The following PDE7B variants were observed in gnomAD, a reference collection of about 807,000 sequenced individuals.
The protein encoded by PDE7B is phosphodiesterase 7B, also known as 3',5'-cyclic-AMP phosphodiesterase 7B.
A neutral mutation model predicts 56.2 loss-of-function variants in PDE7B; 29 were observed. That is an observed-to-expected ratio of 0.52 (90% confidence interval 0.38 to 0.70). The LOEUF (loss-of-function observed/expected upper bound fraction) is 0.70, where lower values mean the gene tolerates loss of function less well. PDE7B is among the 30% of genes least tolerant of loss of function. The probability of loss-of-function intolerance (pLI) is 0.00; values close to 1 mark genes in which losing one functional copy is unlikely to be tolerated. For missense variants in PDE7B, 490 were observed against 565.0 expected, an observed-to-expected ratio of 0.87 and a Z score of 1.35; for synonymous variants, 197 against 196.9, an observed-to-expected ratio of 1.00 and a Z score of 0.00.
At chr6:135,879,401 A>G (rs1775563156) in intron 1 of PDE7B, among the ~76,000 whole-genome samples, 2 of 152,152 alleles carry the variant, frequency 1.3e-5, no homozygotes, top group Non-Finnish European at 2.9e-5. Flanking sequence ...GTAAATAATA[A>G]TATTCAGAAC....
intron 8 of PDE7B, among the ~76,000 whole-genome samples, chr6:136,164,639 A>C (rs1323701963): frequency 6.6e-5 from 10 of 152,210 alleles, no homozygotes; most frequent in Non-Finnish European, 1.5e-4. Context: ...AAAAGTATTT[A>C]GTACTTAGAG....
At chr6:136,186,441 G>T (rs1779147040) in intron 11 of PDE7B, among the ~76,000 whole-genome samples, 1 of 151,988 alleles carries the variant, frequency 6.6e-6, no homozygotes, top group South Asian at 2.1e-4. Context: ...AAGAAAAAAA[G>T]AAATACCATT....
intron 3 of PDE7B, among the ~76,000 whole-genome samples, chr6:136,136,198 A>G (rs147679553): frequency 3.9e-5 from 6 of 152,210 alleles, no homozygotes; most frequent in Non-Finnish European, 7.4e-5. Context: ...TGTCAAACTA[A>G]TTAACAGTTT....
chr6:136,176,483 T>G (rs1340159102), intron 9 of PDE7B, among the ~76,000 whole-genome samples: 1 of 152,122 alleles, frequency 6.6e-6, no homozygotes, highest in Non-Finnish European at 1.5e-5. Context: ...ACATTGTACT[T>G]CATAATTGCA....
chr6:136,054,358 T>G (rs1264854515), intron 2 of PDE7B, among the ~76,000 whole-genome samples: 1 of 152,328 alleles, frequency 6.6e-6, no homozygotes, highest in African/African-American at 2.4e-5. Context: ...AAAGATCAGA[T>G]AGTTGTAGAT....
chr6:136,016,282 A>T (rs1775975513), intron 2 of PDE7B, among the ~76,000 whole-genome samples: 1 of 152,218 alleles, frequency 6.6e-6, no homozygotes, highest in Admixed American at 6.5e-5. Flanking sequence ...GTATCTGTAC[A>T]TGGTAGGTTC....
chr6:135,967,179 G>T (rs1775009630), intron 2 of PDE7B, among the ~76,000 whole-genome samples: 1 of 152,082 alleles, frequency 6.6e-6, no homozygotes, highest in Non-Finnish European at 1.5e-5. Context: ...TTGACAGTCT[G>T]GAGACTTGAT....
At chr6:135,859,144 C>T (rs1243934186) in intron 1 of PDE7B, among the ~76,000 whole-genome samples, 1 of 151,678 alleles carries the variant, frequency 6.6e-6, no homozygotes, top group Non-Finnish European at 1.5e-5. Context: ...CTCAGTCATT[C>T]ACAAAAGTGT....
chr6:136,145,783 C>CTAAAGTCAA (rs1778404019), intron 3 of PDE7B, among the ~76,000 whole-genome samples: 1 of 152,150 alleles, frequency 6.6e-6, no homozygotes, highest in Admixed American at 6.6e-5. Context: ...CTAAACCCAT[C>CTAAAGTCAA]TAAAGTCAAG....
chr6:135,971,765 C>A (rs568903959), intron 2 of PDE7B, among the ~76,000 whole-genome samples: 4 of 152,124 alleles, frequency 2.6e-5, no homozygotes, highest in Non-Finnish European at 5.9e-5. Context: ...AAACTACCCA[C>A]GGCACCTATC....
intron 2 of PDE7B, among the ~76,000 whole-genome samples, chr6:135,960,365 T>G: frequency 6.6e-6 from 1 of 152,204 alleles, no homozygotes; most frequent in East Asian, 1.9e-4. Flanking sequence ...AAAAGTTTCT[T>G]AGAAGATCAG....
At chr6:135,948,051 A>G (rs1051173268) in intron 2 of PDE7B, among the ~76,000 whole-genome samples, 1 of 152,066 alleles carries the variant, frequency 6.6e-6, no homozygotes, top group African/African-American at 2.4e-5. Context: ...ATATATCATC[A>G]ATGCCTTTGA....
At chr6:136,158,454 C>G (rs530213880) in intron 8 of PDE7B, among the ~76,000 whole-genome samples, 15 of 152,230 alleles carry the variant, frequency 9.9e-5, no homozygotes, top group African/African-American at 3.6e-4. Context: ...TGGGGAACAC[C>G]CTGTGCGTGA....
At chr6:136,045,987 G>A (rs1776497880) in intron 2 of PDE7B, among the ~76,000 whole-genome samples, 1 of 151,228 alleles carries the variant, frequency 6.6e-6, no homozygotes, top group Non-Finnish European at 1.5e-5. Flanking sequence ...AAATCTTTTT[G>A]GATGACACCC....
chr6:135,941,215 T>C (rs529669351), intron 1 of PDE7B, among the ~76,000 whole-genome samples: 128 of 151,702 alleles, frequency 8.4e-4, no homozygotes, highest in African/African-American at 3.0e-3. Context: ...AGACTGATCA[T>C]GGTTAGCACT....
intron 1 of PDE7B, among the ~76,000 whole-genome samples, chr6:135,880,948 GAA>G (rs1162730235): frequency 6.6e-6 from 1 of 152,146 alleles, no homozygotes; most frequent in East Asian, 1.9e-4. Flanking sequence ...ATGCTGAAGA[GAA>G]AACTCTTTTT....
intron 2 of PDE7B, among the ~76,000 whole-genome samples, chr6:136,053,952 T>C (rs1252198788): frequency 1.3e-5 from 2 of 152,278 alleles, no homozygotes; most frequent in Non-Finnish European, 2.9e-5. Context: ...ATTCTGGATA[T>C]TAGCCTTTTG....
At chr6:136,120,793 A>G (rs969787463) in intron 3 of PDE7B, among the ~76,000 whole-genome samples, 5 of 152,128 alleles carry the variant, frequency 3.3e-5, no homozygotes, top group African/African-American at 9.7e-5. Context: ...CAATGTCATC[A>G]AAAGCATCAC....
chr6:135,899,732 T>A (rs1775966391), intron 1 of PDE7B, among the ~76,000 whole-genome samples: 1 of 152,070 alleles, frequency 6.6e-6, no homozygotes, highest in Admixed American at 6.5e-5. Flanking sequence ...ATTTTGTTTA[T>A]GGTAGTCTTG....
Sources: allele counts gnomAD v4.1 joint callset (sites outside exome capture counted in the v4.1 genomes callset), GRCh38; gene constraint gnomAD v4.1.1; transcripts MANE v1.5; gene names NCBI Gene and HGNC (gene_info 2026-07-23, HGNC 2026-07-21).